Variants in CCDC87 observed in about 807,000 individuals in gnomAD.
The protein encoded by CCDC87 is coiled-coil domain-containing protein 87.
For synonymous variants in CCDC87, 434 were observed against 440.2 expected (o/e 0.99, Z 0.18); for missense variants, 1,072 against 1,041.7 (o/e 1.03, Z -0.40).
In CCDC87 at chr11:66,591,689, C is replaced by T. The variant is rs1858362330; in HGVS notation, c.1327G>A (p.Ala443Thr). 1.2e-6 allele frequency: 2 copies of T among 1,613,584 alleles called. No homozygotes were observed. The highest frequency in any genetic ancestry group is 2.7e-5 in the African/African-American group (2 of 74,912). ...CTATCAGAGACCCGTACGGCAGCCG[C>T]CTGGACCACGACCTCATTTCTAAGC... ...LKLRNEVVVQ[A>T]AAVRVSDRNF... The change falls in exon 1 of 1, where the codon GCG becomes ACG. Residue 443 changes from alanine to threonine, a missense_variant. Coordinates refer to ENST00000333861, the MANE Select transcript of CCDC87 (RefSeq NM_018219.3).
Position 66,591,798 on chromosome 11 carries a change from C to T in CCDC87, c.1218G>A (p.Gln406=), listed in dbSNP as rs1211722527. The T allele has an allele frequency of 6.2e-7, 1 of 1,613,424 alleles. No individual in the cohort carries two copies. Among genetic ancestry groups the T allele is most frequent in the African/African-American group, 1.3e-5 (1 of 74,924 alleles). ...CCCACTGCCCAGAGGCTTCTTCCTC[C>T]TGGAGGTTCCTCAACATCTTCTCCA... The part of the protein sequence containing the change: ...EELEKMLRNL[Q]EEEASGQWDP... The change falls in exon 1 of 1, where the codon CAG becomes CAA. Residue 406 remains glutamine, a synonymous_variant. Coordinates refer to ENST00000333861, the MANE Select transcript of CCDC87 (RefSeq NM_018219.3).
Position 66,591,382 on chromosome 11 carries a change from A to G in CCDC87, c.1634T>C (p.Leu545Pro). The change falls in exon 1 of 1, where the codon CTG becomes CCG. Residue 545 changes from leucine to proline, a missense_variant. Transcript: ENST00000333861. Reference sequence around the variant, plus strand: ...TGCTCTCTGGGAGTAAAGTCCAACCAGCTCAGGGTTGATGATTTGAGGCTG... The same window carrying G: ...TGCTCTCTGGGAGTAAAGTCCAACCGGCTCAGGGTTGATGATTTGAGGCTG... ...EKQPQIINPELVGLYSQRANT... is the reference protein window; with the variant it reads ...EKQPQIINPEPVGLYSQRANT... 1 of 1,614,170 alleles carries G rather than the reference A, an allele frequency of 6.2e-7. No homozygotes were observed. Among genetic ancestry groups the G allele is most frequent in the Non-Finnish European group, 8.5e-7 (1 of 1,180,026 alleles).
chr11:66,591,573 CA>C lies in CCDC87; in HGVS notation c.1442del (p.Met481ArgfsTer18), dbSNP rs1858358398. ...GELDPKAIEK[M>X]DIDNFVGSTT... ...TACTGCCAACAAAGTTATCAATATC[CA>C]TTTTTTCAATGGCTTTGGGATCCAG... On this transcript the variant is annotated frameshift_variant, in exon 1 of 1. Transcript: ENST00000333861. LOFTEE classifies it low-confidence loss of function (END_TRUNC). 2 of 1,614,130 alleles carry C rather than the reference CA, an allele frequency of 1.2e-6. No homozygotes were observed. Among genetic ancestry groups the C allele is most frequent in the Non-Finnish European group, 1.7e-6 (2 of 1,180,018 alleles).
In CCDC87 at chr11:66,592,659, G is replaced by T; in HGVS notation, c.357C>A (p.Tyr119Ter). 1.9e-6 allele frequency: 3 copies of T among 1,613,836 alleles called. No homozygotes were observed. Among genetic ancestry groups the T allele is most frequent in the Non-Finnish European group, 2.5e-6 (3 of 1,179,992 alleles). Reference protein sequence around the residue: ...NQKLRKRLEAYVLLSSEQLFL... With the variant: ...NQKLRKRLEA The stretch of plus-strand genomic sequence containing the variant: ...AGAGCTGCTCGCTGCTCAGCAGCAC[G>T]TAGGCCTCGAGCCGCTTCCGCAGCT... Residue 119 changes from tyrosine (Y) to a stop codon, truncating the protein, a stop_gained, in exon 1 of 1, where the codon TAC (tyrosine) becomes TAA (stop). Transcript: ENST00000333861. LOFTEE classifies it low-confidence loss of function (END_TRUNC).
rs1217511698 is a variant in CCDC87 at position 66,591,138 on chromosome 11, G to A, written c.1878C>T (p.Ala626=). 6.2e-7 allele frequency: 1 copy of A among 1,614,090 alleles called. No individual in the cohort carries two copies. The highest frequency in any genetic ancestry group is 8.5e-7 in the Non-Finnish European group (1 of 1,180,022). Residue 626 remains alanine (A), a synonymous_variant, in exon 1 of 1, where the codon GCC becomes GCT. Transcript: ENST00000333861. ...GAATCTCTAGGGACTCTCTGGCAGG[G>A]GCCACAATCTCCACAGGAACCTCTT... The part of the protein sequence containing the change: ...HEEEVPVEIV[A]PARESLEIQH...
In CCDC87 at chr11:66,592,799, C is replaced by T. The variant is rs779606742; in HGVS notation, c.217G>A (p.Ala73Thr). ...AGTCGGGCCTCAGGAGGCACTCCCG[C>T]TGCTATCCCGCTGCCGGCCAGCAGC... The part of the protein sequence containing the change: ...AKLLAGSGIA[A>T]GVPPEARLRL... Residue 73 changes from alanine to threonine, a missense_variant, in exon 1 of 1, where the codon GCG becomes ACG. Transcript: ENST00000333861. 6.2e-7 allele frequency: 1 copy of T among 1,601,714 alleles called. No individual in the cohort carries two copies. Among genetic ancestry groups the T allele is most frequent in the Non-Finnish European group, 8.5e-7 (1 of 1,173,392 alleles).
chr11:66,591,197 C>A lies in CCDC87; in HGVS notation c.1819G>T (p.Asp607Tyr), dbSNP rs1858348321. The A allele has an allele frequency of 1.2e-6, 2 of 1,614,124 alleles. No homozygotes were observed. Among genetic ancestry groups the A allele is most frequent in the South Asian group, 2.2e-5 (2 of 91,088 alleles). The stretch of plus-strand genomic sequence containing the variant: ...ATTTGAAAGATGACATGAAGGAAAT[C>A]TGTTTCATGGTTGGTGAGGTACTTG... ...YFKYLTNHET[D>Y]FLHVIFQMHE... The change falls in exon 1 of 1, where the codon GAT becomes TAT. Residue 607 changes from aspartate to tyrosine, a missense_variant. By Grantham distance (160) the Asp-to-Tyr change is radical. Transcript: ENST00000333861.
At position 66,592,069 on chromosome 11, in the gene CCDC87, C is replaced by T. The variant is rs760018365; in HGVS notation, c.947G>A (p.Arg316His). The T allele has an allele frequency of 6.2e-6, 10 of 1,609,404 alleles. No homozygotes were observed. The highest frequency in any genetic ancestry group is 1.1e-5 in the South Asian group (1 of 90,582). The change falls in exon 1 of 1, where the codon CGT becomes CAT. Residue 316 changes from arginine to histidine, a missense_variant. Coordinates refer to ENST00000333861, the MANE Select transcript of CCDC87 (RefSeq NM_018219.3). ...LRRGQSMPSL[R>H]EGWRLADELG... ...CTCATCTGCCAGCCTCCAGCCCTCA[C>T]GCAGGGAGGGCATGGATTGGCCTCT...
At position 66,590,524 on chromosome 11, in the gene CCDC87, G is replaced by A. The variant is rs781535573; in HGVS notation, c.2492C>T (p.Ser831Leu). Residue 831 changes from serine (S) to leucine (L), a missense_variant, in exon 1 of 1, where the codon TCG (serine) becomes TTG (leucine). Ser to Leu is a moderately radical substitution (Grantham distance 145). Coordinates refer to ENST00000333861, the MANE Select transcript of CCDC87 (RefSeq NM_018219.3). ...TGACTGGTGGGGATCCTTCAGGGCC[G>A]AGACCAGGTGGCGAACCCGCCGCTG... ...QQQRRVRHLV[S>L]ALKDPHQSTL... 1.8e-5 allele frequency: 29 copies of A among 1,613,892 alleles called. No homozygotes were observed. The highest frequency in any genetic ancestry group is 4.4e-5 in the South Asian group (4 of 91,080).
Position 66,591,740 on chromosome 11 carries a change from G to A in CCDC87, c.1276C>T (p.Pro426Ser), listed in dbSNP as rs763676422. 1 of 1,613,714 alleles carries A rather than the reference G, an allele frequency of 6.2e-7. No individual in the cohort carries two copies. Among genetic ancestry groups the A allele is most frequent in the Non-Finnish European group, 8.5e-7 (1 of 1,180,028 alleles). The change falls in exon 1 of 1, where the codon CCA becomes TCA. Residue 426 changes from proline to serine, a missense_variant. Physicochemically the swap from Pro to Ser is moderately conservative, Grantham distance 74. Coordinates refer to ENST00000333861, the MANE Select transcript of CCDC87 (RefSeq NM_018219.3). ...PQPPKSFPLH[P>S]QPVTITLKLR... ...TTCAAAGTAATGGTCACTGGCTGTG[G>A]GTGAAGTGGAAAGGATTTGGGGGGC... is the stretch of plus-strand genomic sequence containing the variant.
Position 66,592,802 on chromosome 11 carries a change from C to T in CCDC87, c.214G>A (p.Ala72Thr), listed in dbSNP as rs368797364. The change falls in exon 1 of 1, where the codon GCA becomes ACA. Residue 72 changes from alanine to threonine, a missense_variant. Coordinates refer to ENST00000333861, the MANE Select transcript of CCDC87 (RefSeq NM_018219.3). ...CGGGCCTCAGGAGGCACTCCCGCTG[C>T]TATCCCGCTGCCGGCCAGCAGCTTG... ...VAKLLAGSGI[A>T]AGVPPEARLR... The T allele has an allele frequency of 6.2e-6, 10 of 1,600,826 alleles. No individual in the cohort carries two copies. The East Asian group carries it at 6.7e-5, about 11-fold the overall frequency.
Position 66,590,357 on chromosome 11 carries a change from T to C in CCDC87, c.*109A>G, listed in dbSNP as rs993905240. The C allele has an allele frequency of 3.8e-6, 3 of 795,722 alleles. No individual in the cohort carries two copies. The African/African-American group carries it at 5.2e-5, about 14-fold the overall frequency. The allele number at this position is 795,722 out of a possible 1,614,324, so 49.3% of individuals were successfully genotyped here. On this transcript the variant is annotated 3_prime_UTR_variant, in exon 1 of 1. Coordinates refer to ENST00000333861, the MANE Select transcript of CCDC87 (RefSeq NM_018219.3). ...CCAGATATAGACAAATATTTCTTCT[T>C]CCAAAGCAGTAAAGAGGTCTAGATG...
rs1408661581 is a variant in CCDC87, at chr11:66,590,931, G to GT, written c.2084dup (p.Asp695GlufsTer10). ...TAATGGTCATGTCCACCTGGTCCTT[G>GT]TCAGGGACCTCAAGCACAGACCACA... On this transcript the variant is annotated frameshift_variant, in exon 1 of 1. Transcript: ENST00000333861. LOFTEE classifies it low-confidence loss of function (END_TRUNC). 3 of 1,613,462 alleles carry GT rather than the reference G, an allele frequency of 1.9e-6. No individual in the cohort carries two copies. The African/African-American group carries it at 4.0e-5, about 22-fold the overall frequency.
Position 66,590,842 on chromosome 11 carries a change from A to G in CCDC87, c.2174T>C (p.Leu725Pro), listed in dbSNP as rs1256474289. The part of the protein sequence containing the change: ...PSLVNAWERA[L>P]KPIQLREALL... Reference sequence around the variant, plus strand: ...TGCCTCCCGCAGCTGAATGGGCTTCAGGGCCCGCTCCCAGGCATTCACCAA... The same window carrying G: ...TGCCTCCCGCAGCTGAATGGGCTTCGGGGCCCGCTCCCAGGCATTCACCAA... The change falls in exon 1 of 1, where the codon CTG becomes CCG. Residue 725 changes from leucine to proline, a missense_variant. Transcript: ENST00000333861. 6.2e-7 allele frequency: 1 copy of G among 1,613,926 alleles called. No individual in the cohort carries two copies. The highest frequency in any genetic ancestry group is 8.5e-7 in the Non-Finnish European group (1 of 1,180,046).
chr11:66,592,506 G>C lies in CCDC87; in HGVS notation c.510C>G (p.Asn170Lys). 6.2e-7 allele frequency: 1 copy of C among 1,613,600 alleles called. No individual in the cohort carries two copies. ...RDCTLFLTSP[N>K]VYRGLLADFQ... ...AGTCGGCAAGCAGGCCACGGTAGACGTTGGGACTAGTAAGGAAGAGTGTGC... is the reference window on the plus strand; with the variant it reads ...AGTCGGCAAGCAGGCCACGGTAGACCTTGGGACTAGTAAGGAAGAGTGTGC... Residue 170 changes from asparagine (N) to lysine (K), a missense_variant, in exon 1 of 1, where the codon AAC becomes AAG. Physicochemically the swap from Asn to Lys is moderately conservative, Grantham distance 94 (BLOSUM62 0). Coordinates refer to ENST00000333861, the MANE Select transcript of CCDC87 (RefSeq NM_018219.3).
rs375465158 is a variant in CCDC87 at position 66,591,828 on chromosome 11, C to T, written c.1188G>A (p.Glu396=). 1.7e-5 allele frequency: 27 copies of T among 1,613,484 alleles called. No homozygotes were observed. The African/African-American group carries it at 3.2e-4, about 19-fold the overall frequency. Residue 396 remains glutamate, a synonymous_variant, in exon 1 of 1, where the codon GAG becomes GAA. Coordinates refer to ENST00000333861, the MANE Select transcript of CCDC87 (RefSeq NM_018219.3). ...GGTTCCTCAACATCTTCTCCAGCTC[C>T]TCCAGGCGATGCCCTGCAGCTGGGT... The part of the protein sequence containing the change: ...TRHPAAGHRL[E]ELEKMLRNLQ...
chr11:66,590,776 T>C lies in CCDC87; in HGVS notation c.2240A>G (p.Asn747Ser). Residue 747 changes from asparagine to serine, a missense_variant, in exon 1 of 1, where the codon AAT becomes AGT. Coordinates refer to ENST00000333861, the MANE Select transcript of CCDC87 (RefSeq NM_018219.3). ...GGTCTTTTTGAAGAAGCGGTTGGGA[T>C]TGGAAGCTTGTCCCTCAAACCACTC... ...RLEWFEGQASNPNRFFKKTNL... is the reference protein window; with the variant it reads ...RLEWFEGQASSPNRFFKKTNL... The C allele has an allele frequency of 6.2e-7, 1 of 1,612,796 alleles. No individual in the cohort carries two copies. The highest frequency in any genetic ancestry group is 1.3e-5 in the African/African-American group (1 of 75,048).
chr11:66,591,934 A>C lies in CCDC87; in HGVS notation c.1082T>G (p.Ile361Arg). ...AGTCCCCTCCAACTTCATCTTCTTT[A>C]TCAACTGCTTCAGATCCTCAGCCAC... ...LIVAEDLKQL[I>R]KKMKLEGTRY... The change falls in exon 1 of 1, where the codon ATA (isoleucine) becomes AGA (arginine). Residue 361 changes from isoleucine to arginine, a missense_variant. Physicochemically the swap from Ile to Arg is moderately conservative, Grantham distance 97 (BLOSUM62 -3). Transcript: ENST00000333861. 1 of 1,613,830 alleles carries C rather than the reference A, an allele frequency of 6.2e-7. No homozygotes were observed.
rs778702969 is a variant in CCDC87 at position 66,592,040 on chromosome 11, C to A, written c.976G>T (p.Gly326Cys). The A allele has an allele frequency of 6.2e-7, 1 of 1,613,466 alleles. No individual in the cohort carries two copies. The highest frequency in any genetic ancestry group is 8.5e-7 in the Non-Finnish European group (1 of 1,179,766). ...GGGCGAGATGGGAGTGGAGGAAGGC[C>A]CAACTCATCTGCCAGCCTCCAGCCC... ...REGWRLADEL[G>C]LPPLPSRPLT... Residue 326 changes from glycine to cysteine, a missense_variant, in exon 1 of 1, where the codon GGC (glycine) becomes TGC (cysteine). Gly to Cys is a radical substitution (Grantham distance 159). Transcript: ENST00000333861.
Sources: allele counts gnomAD v4.1 joint callset, GRCh38; gene constraint gnomAD v4.1.1; transcripts MANE v1.5; gene names NCBI Gene and HGNC (gene_info 2026-07-23, HGNC 2026-07-21).